GRAMD1B: variants seen among roughly 807,000 people sequenced by gnomAD.
GRAMD1B encodes GRAM domain containing 1B.
GRAMD1B carries 37 observed loss-of-function variants against 99.7 expected under a neutral mutation model. The ratio of observed to expected loss-of-function variants is 0.37; its 90% CI spans 0.29 to 0.49. The LOEUF is 0.49. Among genes scored for constraint, GRAMD1B ranks in the 20% least tolerant of loss-of-function variants. The pLI is 0.98. For missense variants in GRAMD1B, 888 were observed against 1,009.2 expected (o/e 0.88, Z 1.63); for synonymous variants, 427 against 387.6 (o/e 1.10, Z -1.19).
At chr11:123,386,695 T>C (rs1471895944) in intron 1 of GRAMD1B, among the ~76,000 whole-genome samples, 2 of 152,166 alleles carry the variant, frequency 1.3e-5, no homozygotes, top group African/African-American at 4.8e-5. Context: ...GTGATCTGCC[T>C]GCCTCAGCCT....
At chr11:123,527,176 C>A (rs1302664203) in intron 2 of GRAMD1B, among the ~76,000 whole-genome samples, 2 of 152,038 alleles carry the variant, frequency 1.3e-5, no homozygotes, top group Non-Finnish European at 2.9e-5. Flanking sequence ...GCTGTCCACG[C>A]GTGGGGTGGG....
chr11:123,611,662 C>T (rs1204253074), intron 14 of GRAMD1B, among the ~76,000 whole-genome samples: 1 of 152,170 alleles, frequency 6.6e-6, no homozygotes, highest in Non-Finnish European at 1.5e-5. Flanking sequence ...CATCTTTTCT[C>T]TGCAGCCATG....
At chr11:123,428,859 C>A (rs1403733443), upstream of GRAMD1B, among the ~76,000 whole-genome samples, 1 of 152,130 alleles carries the variant, frequency 6.6e-6, no homozygotes, top group Non-Finnish European at 1.5e-5. Flanking sequence ...TTGTGGACTT[C>A]ATGGTATGTT....
intron 2 of GRAMD1B, among the ~76,000 whole-genome samples, chr11:123,574,668 AG>A (rs1327251401): frequency 2.0e-5 from 3 of 152,130 alleles, no homozygotes; most frequent in African/African-American, 7.2e-5. Flanking sequence ...GAGGTCTGGG[AG>A]GAAAGATGTC....
chr11:123,376,818 G>A (rs1003741869), intron 1 of GRAMD1B, among the ~76,000 whole-genome samples: 1 of 152,256 alleles, frequency 6.6e-6, no homozygotes, highest in Admixed American at 6.5e-5. Context: ...TTCCTCCCAC[G>A]GTGGTTGTCT....
Position 123,587,558 on chromosome 11 carries a change from G to A in GRAMD1B, c.684+3226G>A, listed in dbSNP as rs1300648600. ...TTTACTCCCCCTCAGCCCCCAACGG[G>A]GCATAACATCACAGGGGTTTCCTTC... is the stretch of plus-strand genomic sequence containing the variant. On this transcript the variant is annotated intron_variant, in intron 4 of 19. Transcript: ENST00000635736. This position sits in a 1 kb window ranked among gnomAD's most constrained non-coding sequence, Gnocchi z 4.2. Among the ~76,000 whole-genome samples the A allele has an allele frequency of 1.3e-5, 2 of 152,230 alleles. No individual in the cohort carries two copies. Among genetic ancestry groups the A allele is most frequent in the East Asian group, 3.9e-4 (2 of 5,188 alleles).
At chr11:123,463,452 T>C (rs543819128) in intron 1 of GRAMD1B, among the ~76,000 whole-genome samples, 3 of 152,374 alleles carry the variant, frequency 2.0e-5, no homozygotes, top group African/African-American at 7.2e-5. Context: ...TTATTCCTAG[T>C]ATTAAATACA....
At chr11:123,437,401 CT>C (rs1949210309) in intron 1 of GRAMD1B, among the ~76,000 whole-genome samples, 1 of 152,196 alleles carries the variant, frequency 6.6e-6, no homozygotes, top group African/African-American at 2.4e-5. Context: ...TCATCACTCT[CT>C]GGAGGGGGAA....
At chr11:123,573,920 G>A (rs374859123) in intron 2 of GRAMD1B, among the ~76,000 whole-genome samples, 11 of 152,250 alleles carry the variant, frequency 7.2e-5, no homozygotes, top group African/African-American at 2.2e-4. Flanking sequence ...CTGCTGGGTC[G>A]TGTGGGGCGT....
chr11:123,605,562 G>A (rs969247780), intron 10 of GRAMD1B, 84 bp downstream of exon 10: 6 of 1,098,394 alleles, frequency 5.5e-6, no homozygotes, highest in Non-Finnish European at 6.5e-6. Context: ...CCAATCTGGG[G>A]AGCAGGTAGA....
chr11:123,423,841 G>C (rs913878996), intron 1 of GRAMD1B, among the ~76,000 whole-genome samples: 2 of 152,146 alleles, frequency 1.3e-5, no homozygotes, highest in Non-Finnish European at 2.9e-5. Context: ...TCTTGAAATA[G>C]GGCTTTTGAT....
chr11:123,492,885 C>T lies in GRAMD1B; in HGVS notation c.452+11992C>T, dbSNP rs1938740799. On this transcript the variant is annotated intron_variant, in intron 2 of 19. Coordinates refer to ENST00000635736, the MANE Select transcript of GRAMD1B (RefSeq NM_001387025.1). This position sits in a 1 kb window ranked among gnomAD's most constrained non-coding sequence, Gnocchi z 4.2. The stretch of plus-strand genomic sequence containing the variant: ...ACACATACACACACACACACACACA[C>T]ACACACACACGCATAGGCATAGATG... Among the ~76,000 whole-genome samples, 1 of 151,792 alleles carries T rather than the reference C, an allele frequency of 6.6e-6. No homozygotes were observed. The highest frequency in any genetic ancestry group is 2.1e-4 in the South Asian group (1 of 4,804).
chr11:123,619,078 G>T (rs1224037363), intron 18 of GRAMD1B, 29 bp from the exon 19 acceptor site: 1 of 1,243,178 alleles, frequency 8.0e-7, no homozygotes, highest in South Asian at 1.3e-5. Flanking sequence ...AACTCCAGCT[G>T]CTGGGGTACC....
intron 1 of GRAMD1B, among the ~76,000 whole-genome samples, chr11:123,471,986 C>T (rs866799177): frequency 1.3e-5 from 2 of 152,074 alleles, no homozygotes; most frequent in South Asian, 2.1e-4. Context: ...GGAAAACTAA[C>T]GCTGGGTGTG....
intron 1 of GRAMD1B, among the ~76,000 whole-genome samples, chr11:123,456,645 C>A (rs965351557): frequency 6.6e-6 from 1 of 151,594 alleles, no homozygotes; most frequent in Non-Finnish European, 1.5e-5. Flanking sequence ...TGTGGCCAGG[C>A]GCAATGACTC....
At chr11:123,402,528 T>C (rs1463807682) in intron 1 of GRAMD1B, among the ~76,000 whole-genome samples, 2 of 152,236 alleles carry the variant, frequency 1.3e-5, no homozygotes, top group Non-Finnish European at 2.9e-5. Flanking sequence ...GGCATTCTTA[T>C]TATCTCCACT....
intron 4 of GRAMD1B, among the ~76,000 whole-genome samples, chr11:123,593,717 C>T (rs181934108): frequency 6.6e-6 from 1 of 152,288 alleles, no homozygotes; most frequent in Non-Finnish European, 1.5e-5. Flanking sequence ...CCCTGCTTCA[C>T]TGTCAAGGTG....
intron 2 of GRAMD1B, among the ~76,000 whole-genome samples, chr11:123,497,921 A>AG (rs1939477187): frequency 7.3e-6 from 1 of 136,698 alleles, no homozygotes; most frequent in East Asian, 2.1e-4. Context: ...AAAAAAAAAA[A>AG]TGGTAAGCTA....
chr11:123,575,463 C>T (rs139912226), intron 2 of GRAMD1B, among the ~76,000 whole-genome samples: 18 of 152,236 alleles, frequency 1.2e-4, no homozygotes, highest in Non-Finnish European at 2.1e-4. Flanking sequence ...GATTACAGCT[C>T]ATGCCACCAC....
Sources: allele counts gnomAD v4.1 joint callset (sites outside exome capture counted in the v4.1 genomes callset), GRCh38; gene constraint gnomAD v4.1.1; non-coding constraint Gnocchi (gnomAD v3.1); transcripts MANE v1.5; gene names NCBI Gene and HGNC (gene_info 2026-07-23, HGNC 2026-07-21).